SERPINE3: variants seen among roughly 807,000 people sequenced by gnomAD.
SERPINE3 encodes serpin family E member 3.
A neutral mutation model predicts 41.7 loss-of-function variants in SERPINE3; 43 were observed. That is an observed-to-expected ratio of 1.03 (90% CI 0.81 to 1.33). The LOEUF (loss-of-function observed/expected upper bound fraction) is 1.33. SERPINE3 is among the 40% of genes most tolerant of loss of function. The pLI is 0.00. For synonymous variants in SERPINE3, 200 were observed against 192.2 expected (o/e 1.04, Z -0.34); for missense variants, 440 against 491.7 (o/e 0.89, Z 0.99).
intron 7 of SERPINE3, among the ~76,000 whole-genome samples, chr13:51,357,720 A>C (rs997557204): frequency 4.0e-5 from 6 of 151,896 alleles, no homozygotes; most frequent in Admixed American, 3.3e-4. Context: ...GAGTAATTCC[A>C]GTTTCACTCA....
intron 3 of SERPINE3, among the ~76,000 whole-genome samples, chr13:51,343,556 C>T (rs868273135): frequency 1.2e-4 from 18 of 152,356 alleles, no homozygotes; most frequent in Middle Eastern, 3.4e-3. Flanking sequence ...TGGAAGCTAT[C>T]GACTCCCTCA....
chr13:51,355,209 T>G, intron 7 of SERPINE3, 66 bp downstream of exon 7: 1 of 751,938 alleles, frequency 1.3e-6, no homozygotes, highest in Non-Finnish European at 2.3e-6. Flanking sequence ...ATACTTTGAT[T>G]AAGGGATTCT....
intron 7 of SERPINE3, among the ~76,000 whole-genome samples, chr13:51,356,174 G>A (rs1275662326): frequency 2.0e-5 from 3 of 152,062 alleles, no homozygotes; most frequent in African/African-American, 7.2e-5. Context: ...GCCTGAACAC[G>A]CAAAGAGATA....
At chr13:51,362,526 C>T (rs1353210774) in intron 9 of SERPINE3, 1 of 152,526 alleles carries the variant, frequency 6.6e-6, no homozygotes, top group Non-Finnish European at 1.5e-5. Context: ...TCTTAATGTT[C>T]TTCCTCCCCC....
intron 9 of SERPINE3, 97 bp downstream of exon 9, chr13:51,361,990 C>A: frequency 6.2e-7 from 1 of 1,610,560 alleles, no homozygotes; most frequent in Non-Finnish European, 8.5e-7. Flanking sequence ...AATAAGCATT[C>A]TTTCTAGCTG....
At position 51,341,060 on chromosome 13, in the gene SERPINE3, C is replaced by A; in HGVS notation, c.-17-15C>A. The stretch of plus-strand genomic sequence containing the variant: ...GCTTCCAGCCTACCCTGCATCTCTT[C>A]CCTCTGAATTGCAGGAACCCTCCCA... On this transcript the variant is annotated splice_polypyrimidine_tract_variant and intron_variant, in intron 2 of 9. Coordinates refer to ENST00000681248, the MANE Select transcript of SERPINE3 (RefSeq NM_001386375.1). 1.2e-6 allele frequency: 2 copies of A among 1,605,942 alleles called. No homozygotes were observed. Among genetic ancestry groups the A allele is most frequent in the Non-Finnish European group, 1.7e-6 (2 of 1,175,240 alleles).
At position 51,341,361 on chromosome 13, in the gene SERPINE3, C is replaced by T. The variant is rs1282951031; in HGVS notation, c.256+14C>T. On this transcript the variant is annotated intron_variant, in intron 3 of 9. Coordinates refer to ENST00000681248, the MANE Select transcript of SERPINE3 (RefSeq NM_001386375.1). ...ACACTGTCCATGGTAAGAGGCCTGC[C>T]CACGTGCACACTCACTTACCCTCCT... is the stretch of plus-strand genomic sequence containing the variant. 6.4e-7 allele frequency: 1 copy of T among 1,570,224 alleles called. No homozygotes were observed. Among genetic ancestry groups the T allele is most frequent in the South Asian group, 1.2e-5 (1 of 86,056 alleles).
chr13:51,343,230 C>T (rs1593636096), intron 3 of SERPINE3, among the ~76,000 whole-genome samples: 1 of 152,162 alleles, frequency 6.6e-6, no homozygotes, highest in African/African-American at 2.4e-5. Context: ...AGCATTTTGT[C>T]TTACAGGGAG....
In SERPINE3 at chr13:51,344,467, G is replaced by A. The variant is rs1400003861; in HGVS notation, c.472G>A (p.Ala158Thr). The A allele has an allele frequency of 3.8e-6, 6 of 1,590,736 alleles. No homozygotes were observed. In the East Asian group the frequency reaches 1.1e-4, roughly 30 times the overall value. The change falls in exon 4 of 10, where the codon GCC becomes ACC. Residue 158 changes from alanine (A) to threonine (T), a missense_variant. By Grantham distance (58) the Ala-to-Thr change is moderately conservative (BLOSUM62 0). Coordinates refer to ENST00000681248, the MANE Select transcript of SERPINE3 (RefSeq NM_001386375.1). Reference sequence around the variant, plus strand: ...CACCGCCATCCAGACTAGCGAAGGGGCCTCCAGAGAGACTGCAGGTAAAAG... The same window carrying A: ...CACCGCCATCCAGACTAGCGAAGGGACCTCCAGAGAGACTGCAGGTAAAAG... Reference protein sequence around the residue: ...NSTAIQTSEGASRETAGGGPS... With the variant: ...NSTAIQTSEGTSRETAGGGPS...
intron 6 of SERPINE3, among the ~76,000 whole-genome samples, chr13:51,351,030 T>A (rs1204511050): frequency 6.6e-6 from 1 of 152,216 alleles, no homozygotes; most frequent in Admixed American, 6.5e-5. Flanking sequence ...GTACATTTTG[T>A]TTACCTATTC....
intron 6 of SERPINE3, among the ~76,000 whole-genome samples, chr13:51,349,457 G>A (rs1205237339): frequency 2.0e-5 from 3 of 152,142 alleles, no homozygotes; most frequent in Non-Finnish European, 4.4e-5. Flanking sequence ...GATCTCTCAG[G>A]GAGGGAGCAG....
chr13:51,360,245 C>G (rs762546766), intron 7 of SERPINE3, among the ~76,000 whole-genome samples: 1 of 152,032 alleles, frequency 6.6e-6, no homozygotes, highest in Non-Finnish European at 1.5e-5. Context: ...TTTTAACATT[C>G]ATGCCACAGA....
chr13:51,357,073 T>C (rs1009476382), intron 7 of SERPINE3, among the ~76,000 whole-genome samples: 2 of 152,212 alleles, frequency 1.3e-5, no homozygotes, highest in Non-Finnish European at 2.9e-5. Context: ...TATGGCTGCT[T>C]TCCTGCTACA....
chr13:51,354,685 T>C (rs1245325799), intron 6 of SERPINE3, among the ~76,000 whole-genome samples: 2 of 152,156 alleles, frequency 1.3e-5, no homozygotes, highest in African/African-American at 4.8e-5. Context: ...GGAAGCAGAA[T>C]GTTCTATATA....
chr13:51,361,440 A>T, intron 8 of SERPINE3, 76 bp downstream of exon 8: 1 of 905,862 alleles, frequency 1.1e-6, no homozygotes, highest in Non-Finnish European at 1.8e-6. Context: ...GAATCTTCAC[A>T]CTTCTGAATC....
intron 3 of SERPINE3, among the ~76,000 whole-genome samples, chr13:51,342,612 A>G (rs1228712299): frequency 6.6e-6 from 1 of 152,170 alleles, no homozygotes; most frequent in Non-Finnish European, 1.5e-5. Flanking sequence ...ATTCACTTCA[A>G]GCCAACTTAC....
rs1297124506 is a variant in SERPINE3 at position 51,364,231 on chromosome 13, C to CT, written c.1172-6dup. 1 of 1,408,142 alleles carries CT rather than the reference C, an allele frequency of 7.1e-7. No individual in the cohort carries two copies. Among genetic ancestry groups the CT allele is most frequent in the African/African-American group, 1.4e-5 (1 of 69,474 alleles). The allele number at this position is 1,408,142 out of a possible 1,614,324, so 87.2% of individuals were successfully genotyped here. On this transcript the variant is annotated splice_polypyrimidine_tract_variant and splice_region_variant and intron_variant, in intron 9 of 9. Coordinates refer to ENST00000681248, the MANE Select transcript of SERPINE3 (RefSeq NM_001386375.1). ...TATATAATATTAAATTCTTCTTTTT[C>CT]TTGACAGGGTTTGTCTTCAGTATTG... is the stretch of plus-strand genomic sequence containing the variant.
chr13:51,355,494 T>C (rs936635869), intron 7 of SERPINE3, among the ~76,000 whole-genome samples: 13 of 152,132 alleles, frequency 8.5e-5, no homozygotes. Flanking sequence ...TGCTGTCCCA[T>C]CAGCTTCAGT....
At chr13:51,354,131 A>G (rs1436631429) in intron 6 of SERPINE3, 4 of 152,168 alleles carry the variant, frequency 2.6e-5, no homozygotes, top group African/African-American at 9.7e-5. Flanking sequence ...ATACTCTATT[A>G]ATTGTCAATA....
Sources: allele counts gnomAD v4.1 joint callset (sites outside exome capture counted in the v4.1 genomes callset), GRCh38; gene constraint gnomAD v4.1.1; transcripts MANE v1.5; gene names NCBI Gene and HGNC (gene_info 2026-07-23, HGNC 2026-07-21).